The following LSAMP variants were observed in gnomAD, a reference collection of about 807,000 sequenced individuals.
LSAMP encodes limbic system associated membrane protein.
In LSAMP, 7 loss-of-function variants were observed where a neutral mutation model predicts 38.6. The observed-to-expected ratio is 0.18, with a 90% confidence interval of 0.10 to 0.34. The LOEUF is 0.34. Among genes scored for constraint, LSAMP ranks in the 10% least tolerant of loss-of-function variants. The pLI, the probability that LSAMP is intolerant of heterozygous loss-of-function variation, is 1.00. For missense variants in LSAMP, 313 were observed against 420.0 expected, an observed-to-expected ratio of 0.75 and a Z score of 2.23; for synonymous variants, 154 against 166.8, an observed-to-expected ratio of 0.92 and a Z score of 0.59.
At chr3:116,164,630 TATATATATATATATAATCCAA>T (rs1231883202) in intron 1 of LSAMP, among the ~76,000 whole-genome samples, 8 of 123,550 alleles carry the variant, frequency 6.5e-5, no homozygotes, top group Admixed American at 5.1e-4. Context: ...ATAATCCAAA[TATATATATATATATAATCCAA>T]ATATATATAT....
intron 2 of LSAMP, among the ~76,000 whole-genome samples, chr3:116,043,667 C>T (rs1405520177): frequency 5.3e-5 from 8 of 152,166 alleles, no homozygotes; most frequent in South Asian, 2.1e-4. Context: ...ATATTCTTGC[C>T]GGGCGCGGTG....
intron 2 of LSAMP, among the ~76,000 whole-genome samples, chr3:116,039,452 A>T (rs1941119544): frequency 6.6e-6 from 1 of 152,182 alleles, no homozygotes. Context: ...CTTCACACCT[A>T]AGTAACGTGT....
At chr3:116,209,551 T>C in intron 1 of LSAMP, among the ~76,000 whole-genome samples, 1 of 152,110 alleles carries the variant, frequency 6.6e-6, no homozygotes, top group East Asian at 1.9e-4. Context: ...AATTGATATG[T>C]TTTGTGTACA....
intron 3 of LSAMP, among the ~76,000 whole-genome samples, chr3:115,905,826 A>C: frequency 6.6e-6 from 1 of 152,074 alleles, no homozygotes; most frequent in East Asian, 1.9e-4. Context: ...AGCATCTCTC[A>C]TTCTAGGGCA....
chr3:115,939,215 C>T (rs1332690865), intron 3 of LSAMP, among the ~76,000 whole-genome samples: 2 of 152,022 alleles, frequency 1.3e-5, no homozygotes, highest in Non-Finnish European at 2.9e-5. Flanking sequence ...TAATTTTTCA[C>T]TGAAGCTCCA....
At chr3:116,420,150 T>G (rs1182224699) in intron 1 of LSAMP, among the ~76,000 whole-genome samples, 5 of 151,580 alleles carry the variant, frequency 3.3e-5, no homozygotes, top group Non-Finnish European at 5.9e-5. Context: ...CAGACCAGAG[T>G]GCAGTGGCAC....
At chr3:116,381,880 A>G (rs2048563102) in intron 1 of LSAMP, among the ~76,000 whole-genome samples, 1 of 152,082 alleles carries the variant, frequency 6.6e-6, no homozygotes, top group Admixed American at 6.5e-5. Context: ...TACAATATGG[A>G]CTTGATTCTA....
At chr3:115,979,035 A>G (rs577299515) in intron 3 of LSAMP, among the ~76,000 whole-genome samples, 4 of 152,284 alleles carry the variant, frequency 2.6e-5, no homozygotes, top group Admixed American at 1.3e-4. Flanking sequence ...ACTGAGTTTT[A>G]TATATTTAAG....
chr3:116,280,834 T>C (rs2047118087), intron 1 of LSAMP, among the ~76,000 whole-genome samples: 1 of 152,222 alleles, frequency 6.6e-6, no homozygotes, highest in African/African-American at 2.4e-5. Context: ...GCAAGTAACA[T>C]GCTGCCTCTT....
At chr3:116,340,508 C>T (rs1576143031) in intron 1 of LSAMP, among the ~76,000 whole-genome samples, 1 of 151,992 alleles carries the variant, frequency 6.6e-6, no homozygotes, top group South Asian at 2.1e-4. Flanking sequence ...CAACATATTC[C>T]TTAAACAGAT....
intron 1 of LSAMP, among the ~76,000 whole-genome samples, chr3:116,331,803 C>A (rs902517269): frequency 6.6e-6 from 1 of 152,172 alleles, no homozygotes; most frequent in African/African-American, 2.4e-5. Context: ...TAACTTCACT[C>A]TTTGTTTTGT....
chr3:116,138,302 A>G (rs1001995071), intron 1 of LSAMP, among the ~76,000 whole-genome samples: 3 of 152,136 alleles, frequency 2.0e-5, no homozygotes, highest in Non-Finnish European at 4.4e-5. Context: ...AAGACATATG[A>G]AACATAATTC....
At chr3:116,270,726 C>CTGTT (rs1203786223) in intron 1 of LSAMP, among the ~76,000 whole-genome samples, 4 of 152,076 alleles carry the variant, frequency 2.6e-5, no homozygotes, top group African/African-American at 9.7e-5. Context: ...TAAGGGCTCC[C>CTGTT]TGTTTATCCT....
intron 1 of LSAMP, among the ~76,000 whole-genome samples, chr3:116,220,245 A>T (rs2046266259): frequency 6.8e-6 from 1 of 146,068 alleles, no homozygotes; most frequent in Non-Finnish European, 1.5e-5. Context: ...TCTCAAAATA[A>T]CTATTATAAA....
intron 1 of LSAMP, among the ~76,000 whole-genome samples, chr3:116,330,455 A>C (rs1242160196): frequency 6.6e-6 from 1 of 152,164 alleles, no homozygotes; most frequent in African/African-American, 2.4e-5. Context: ...ATAAAGAAGC[A>C]GGTAACCGTT....
intron 1 of LSAMP, among the ~76,000 whole-genome samples, chr3:116,225,450 C>A (rs974117459): frequency 2.0e-5 from 3 of 152,120 alleles, no homozygotes; most frequent in Non-Finnish European, 1.5e-5. Flanking sequence ...CTTCAGCCTC[C>A]CAAACTATTG....
At chr3:116,249,413 T>C (rs1370705411) in intron 1 of LSAMP, among the ~76,000 whole-genome samples, 1 of 150,356 alleles carries the variant, frequency 6.7e-6, no homozygotes, top group South Asian at 2.1e-4. Context: ...GAGATGGGAG[T>C]CTCACTCTGT....
chr3:116,294,397 A>C (rs141200656), intron 1 of LSAMP, among the ~76,000 whole-genome samples: 1 of 152,230 alleles, frequency 6.6e-6, no homozygotes, highest in African/African-American at 2.4e-5. Flanking sequence ...TGAATGTTCT[A>C]GGATTCAGAA....
chr3:116,340,884 T>C (rs1051482693), intron 1 of LSAMP, among the ~76,000 whole-genome samples: 2 of 152,028 alleles, frequency 1.3e-5, no homozygotes, highest in African/African-American at 4.8e-5. Context: ...CACATCCAGT[T>C]GGGCAATTCT....
Sources: gnomAD v4.1 joint callset for allele counts (sites outside exome capture counted in the v4.1 genomes callset) on GRCh38, gnomAD v4.1.1 for gene constraint, MANE v1.5 for transcripts, NCBI Gene and HGNC (gene_info 2026-07-23, HGNC 2026-07-21) for gene names.